The following FHOD3 variants were observed in gnomAD, a reference collection of about 807,000 sequenced individuals.
FHOD3 encodes FH1/FH2 domain-containing protein 3.
FHOD3 carries 90 observed loss-of-function variants against 173.0 expected under a neutral mutation model. The ratio of observed to expected loss-of-function variants is 0.52; its 90% confidence interval spans 0.44 to 0.62. The LOEUF (loss-of-function observed/expected upper bound fraction) is 0.62. Among genes scored for constraint, FHOD3 ranks in the 20% least tolerant of loss-of-function variants. The pLI is 0.00. For missense variants in FHOD3, 1,945 were observed against 2,034.7 expected, an observed-to-expected ratio of 0.96 and a Z score of 0.85; for synonymous variants, 828 against 823.0, an observed-to-expected ratio of 1.01 and a Z score of -0.10.
chr18:36,613,393 A>C (rs924260225), intron 9 of FHOD3, among the ~76,000 whole-genome samples: 2 of 152,122 alleles, frequency 1.3e-5, no homozygotes, highest in Non-Finnish European at 2.9e-5. Flanking sequence ...AAATGCCCTC[A>C]CGGTATTGAA....
intron 3 of FHOD3, among the ~76,000 whole-genome samples, chr18:36,411,404 T>C (rs1156861370): frequency 6.6e-6 from 1 of 152,224 alleles, no homozygotes; most frequent in East Asian, 1.9e-4. Context: ...TACTATGTGA[T>C]CCTGAATGAG....
chr18:36,533,277 T>A (rs1314575343), intron 5 of FHOD3, among the ~76,000 whole-genome samples: 4 of 152,222 alleles, frequency 2.6e-5, no homozygotes, highest in Admixed American at 2.6e-4. Flanking sequence ...GATGAGCATG[T>A]GCGACGCATT....
chr18:36,481,020 G>GT (rs35793521), intron 3 of FHOD3, among the ~76,000 whole-genome samples: 9,151 of 104,084 alleles, frequency 0.088, 556 homozygotes, highest in East Asian at 0.18. Flanking sequence ...TTGGGAGGTG[G>GT]TTTTTTTTTT....
At chr18:36,688,575 GT>G (rs1336281955) in intron 16 of FHOD3, among the ~76,000 whole-genome samples, 2 of 152,198 alleles carry the variant, frequency 1.3e-5, no homozygotes, top group Admixed American at 6.5e-5. Flanking sequence ...ACTAGTACCT[GT>G]TTTTTACATC....
intron 3 of FHOD3, among the ~76,000 whole-genome samples, chr18:36,450,443 GTTTATTTATTTATTTA>G (rs78899431): frequency 8.6e-5 from 8 of 92,918 alleles, no homozygotes; most frequent in Non-Finnish European, 1.5e-4. Flanking sequence ...CGACCAGTTT[GTTTATTTATTTATTTA>G]TTTATTTATT....
chr18:36,740,818 G>T lies in FHOD3; in HGVS notation c.3739G>T (p.Asp1247Tyr). The T allele has an allele frequency of 6.2e-7, 1 of 1,610,392 alleles. No individual in the cohort carries two copies. Among genetic ancestry groups the T allele is most frequent in the Non-Finnish European group, 8.5e-7 (1 of 1,179,144 alleles). The stretch of plus-strand genomic sequence containing the variant: ...ACTTCACCTCTGGGCATTCAAAATG[G>T]ATTATGAAACTACAGAAAAGGTAAG... ...ARLHLWAFKMDYETTEKEVAE... is the reference protein window; with the variant it reads ...ARLHLWAFKMYYETTEKEVAE... The change falls in exon 21 of 29, where the codon GAT becomes TAT. Residue 1247 changes from aspartate (D) to tyrosine (Y), a missense_variant. This residue lies in a region of FHOD3 where 231 missense variants were observed against 321.9 expected (regional missense o/e 0.72). Coordinates refer to ENST00000590592, the MANE Select transcript of FHOD3 (RefSeq NM_001281740.3).
At chr18:36,586,100 T>A (rs534177958) in intron 6 of FHOD3, among the ~76,000 whole-genome samples, 5 of 152,340 alleles carry the variant, frequency 3.3e-5, no homozygotes, top group African/African-American at 1.2e-4. Context: ...TTTTCATGTT[T>A]CCAGGGCTGG....
chr18:36,571,906 A>G (rs186074465), intron 5 of FHOD3, among the ~76,000 whole-genome samples: 8 of 152,344 alleles, frequency 5.3e-5, no homozygotes, highest in African/African-American at 1.9e-4. Flanking sequence ...CACATAAGAG[A>G]AAATCTTTGT....
intron 1 of FHOD3, among the ~76,000 whole-genome samples, chr18:36,300,881 T>G (rs1029121175): frequency 2.0e-5 from 3 of 152,052 alleles, no homozygotes; most frequent in African/African-American, 7.2e-5. Flanking sequence ...GCTGGGACTA[T>G]AGGCATGCAC....
At chr18:36,690,199 A>G (rs1265019676) in intron 16 of FHOD3, among the ~76,000 whole-genome samples, 1 of 152,224 alleles carries the variant, frequency 6.6e-6, no homozygotes, top group Admixed American at 6.5e-5. Context: ...TGCCCACTAC[A>G]GTTCTTGGCA....
intron 17 of FHOD3, 23 bp downstream of exon 17, chr18:36,693,446 G>A (rs775846568): frequency 1.5e-5 from 24 of 1,601,528 alleles, no homozygotes; most frequent in African/African-American, 1.3e-4. Context: ...AGAGTAGAGG[G>A]AAAATGAACA....
At chr18:36,635,943 G>A (rs960081617) in intron 10 of FHOD3, among the ~76,000 whole-genome samples, 1 of 152,200 alleles carries the variant, frequency 6.6e-6, no homozygotes, top group Non-Finnish European at 1.5e-5. Flanking sequence ...ATCATCAAGT[G>A]TGACTGTTTC....
chr18:36,595,932 A>G (rs1012003696), intron 7 of FHOD3, among the ~76,000 whole-genome samples: 1 of 152,210 alleles, frequency 6.6e-6, no homozygotes, highest in African/African-American at 2.4e-5. Context: ...TACTGTTACA[A>G]TCATAAAAAC....
At position 36,523,714 on chromosome 18, in the gene FHOD3, G is replaced by A. The variant is rs143979344; in HGVS notation, c.511+11171G>A. The stretch of plus-strand genomic sequence containing the variant: ...GCCAGATGATCTGTTGGGGCTGCTA[G>A]GCTTGGGGTCAGGTGGTACTGGATG... On this transcript the variant is annotated intron_variant, in intron 5 of 28. Coordinates refer to ENST00000590592, the MANE Select transcript of FHOD3 (RefSeq NM_001281740.3). 5.7e-3 allele frequency among the ~76,000 whole-genome samples: 861 copies of A among 152,316 alleles called. 6 individuals carry two copies. The highest frequency in any genetic ancestry group is 0.02 in the African/African-American group (814 of 41,556).
intron 3 of FHOD3, among the ~76,000 whole-genome samples, chr18:36,376,599 C>G (rs936411189): frequency 6.6e-6 from 1 of 152,162 alleles, no homozygotes; most frequent in African/African-American, 2.4e-5. Flanking sequence ...AGCAACTGAT[C>G]TCTGCATAAG....
At chr18:36,759,856 T>C (rs2042794227) in intron 26 of FHOD3, among the ~76,000 whole-genome samples, 1 of 152,236 alleles carries the variant, frequency 6.6e-6, no homozygotes, top group Admixed American at 6.5e-5. Flanking sequence ...AATCTGACTT[T>C]TTGTTCTTCA....
chr18:36,616,368 G>A (rs1254598663), intron 9 of FHOD3, among the ~76,000 whole-genome samples: 4 of 152,168 alleles, frequency 2.6e-5, no homozygotes, highest in Non-Finnish European at 5.9e-5. Context: ...AACAAACTGG[G>A]AGAGAGTAGT....
At chr18:36,543,510 G>T (rs1599584625) in intron 5 of FHOD3, among the ~76,000 whole-genome samples, 1 of 152,174 alleles carries the variant, frequency 6.6e-6, no homozygotes, top group South Asian at 2.1e-4. Flanking sequence ...GTGCTGGACA[G>T]TCAGGAGGAA....
intron 24 of FHOD3, among the ~76,000 whole-genome samples, chr18:36,751,798 T>C (rs1275990716): frequency 6.6e-6 from 1 of 152,190 alleles, no homozygotes; most frequent in Non-Finnish European, 1.5e-5. Flanking sequence ...TTTTGTACTC[T>C]CTGGATGTAC....
Sources: allele counts gnomAD v4.1 joint callset (sites outside exome capture counted in the v4.1 genomes callset), GRCh38; gene constraint gnomAD v4.1.1; regional missense constraint gnomAD v4.1.1; transcripts MANE v1.5; gene names NCBI Gene and HGNC (gene_info 2026-07-23, HGNC 2026-07-21).